APC: variants seen among roughly 807,000 people sequenced by gnomAD.
APC encodes the protein adenomatous polyposis coli protein.
Under a neutral mutation model 247.0 loss-of-function variants are expected in APC, and 72 were observed. The ratio of observed to expected loss-of-function variants is 0.29; its 90% CI spans 0.24 to 0.35. The LOEUF is 0.35. APC is among the 10% of genes least tolerant of loss of function. APC has a pLI of 1.00. For missense variants in APC, 3,400 were observed against 3,360.7 expected (o/e 1.01, Z -0.29); for synonymous variants, 1,254 against 1,162.5 (o/e 1.08, Z -1.60).
chr5:112,824,069 A>G (rs1393382832), intron 11 of APC, among the ~76,000 whole-genome samples: 3 of 152,252 alleles, frequency 2.0e-5, no homozygotes, highest in African/African-American at 7.2e-5. Context: ...TTTTAAAATT[A>G]TCAGTCTTTC....
At chr5:112,716,305 T>C (rs1347755945) in intron 1 of APC, among the ~76,000 whole-genome samples, 1 of 152,196 alleles carries the variant, frequency 6.6e-6, no homozygotes, top group African/African-American at 2.4e-5. Flanking sequence ...TTAAGATGTT[T>C]TCAGATTTCT....
At chr5:112,834,839 C>T (rs930436007) in intron 14 of APC, 112 bp from the exon 15 acceptor site, 12 of 924,772 alleles carry the variant, frequency 1.3e-5, no homozygotes, top group South Asian at 8.2e-5. Flanking sequence ...CAGTGAGGGA[C>T]GGGCAATAGG....
intron 14 of APC, chr5:112,829,787 T>G (rs1270183788): frequency 6.6e-6 from 1 of 152,260 alleles, no homozygotes; most frequent in Non-Finnish European, 1.5e-5. Flanking sequence ...AGTGTACCTT[T>G]GTGCTCTCCA....
intron 2 of APC, among the ~76,000 whole-genome samples, chr5:112,757,332 A>G (rs545620132): frequency 1.2e-4 from 19 of 152,292 alleles, no homozygotes; most frequent in Admixed American, 1.1e-3. Context: ...GTGGATTAAA[A>G]TTAATCCACA....
chr5:112,843,213 C>T lies in APC; in HGVS notation c.7619C>T (p.Pro2540Leu), dbSNP rs777667481. The T allele has an allele frequency of 6.2e-7, 1 of 1,613,742 alleles. No homozygotes were observed. The highest frequency in any genetic ancestry group is 8.5e-7 in the Non-Finnish European group (1 of 1,179,700). ...RSHSESPSRL[P>L]INRSGTWKRE... is the part of the protein sequence containing the mutation. ...CATTCTGAAAGTCCTTCTAGACTTC[C>T]AATCAATAGGTCAGGAACCTGGAAA... Residue 2540 changes from proline (P) to leucine (L), a missense_variant, in exon 16 of 16, where the codon CCA (proline) becomes CTA (leucine). Transcript: ENST00000257430. This position sits in a 1 kb window ranked among gnomAD's most constrained non-coding sequence, Gnocchi z 4.8.
intron 6 of APC, among the ~76,000 whole-genome samples, chr5:112,783,258 A>G (rs1758548923): frequency 6.6e-6 from 1 of 152,124 alleles, no homozygotes; most frequent in Non-Finnish European, 1.5e-5. Context: ...AAGCGCTGAT[A>G]CTGTCATTCT....
rs771104978 is a variant in APC at position 112,845,313 on chromosome 5, A to G, written c.*1187A>G. 1 of 232,782 alleles carries G rather than the reference A, an allele frequency of 4.3e-6. No individual in the cohort carries two copies. Among genetic ancestry groups the G allele is most frequent in the Non-Finnish European group, 8.5e-6 (1 of 117,536 alleles). 14.4% of individuals were successfully genotyped at this position (232,782 alleles called of 1,614,324 possible). ...TAGCAATGCAAGCAGCCTAGCACAGACTAAGCATTGAGCATAATAGGCCCA... is the reference window on the plus strand; with the variant it reads ...TAGCAATGCAAGCAGCCTAGCACAGGCTAAGCATTGAGCATAATAGGCCCA... On this transcript the variant is annotated 3_prime_UTR_variant, in exon 16 of 16. Transcript: ENST00000257430.
chr5:112,767,121 T>A (rs1347219668), intron 3 of APC, 68 bp from the exon 4 acceptor site: 6 of 1,273,292 alleles, frequency 4.7e-6, no homozygotes, highest in East Asian at 2.5e-5. Flanking sequence ...TAAAATAATA[T>A]AACATTAAGA....
chr5:112,744,615 G>T (rs542458294), intron 1 of APC, among the ~76,000 whole-genome samples: 10 of 152,176 alleles, frequency 6.6e-5, no homozygotes, highest in Non-Finnish European at 1.2e-4. Flanking sequence ...ACTGAGCTGG[G>T]CCTTAAAGGA....
At chr5:112,726,568 C>G (rs1478537320) in intron 1 of APC, among the ~76,000 whole-genome samples, 1 of 152,074 alleles carries the variant, frequency 6.6e-6, no homozygotes, top group Non-Finnish European at 1.5e-5. Flanking sequence ...ACATGGCAGA[C>G]CAGAAGGCAT....
At chr5:112,818,858 G>GT in intron 9 of APC, 108 bp from the exon 10 acceptor site, 62 of 995,202 alleles carry the variant, frequency 6.2e-5, no homozygotes, top group East Asian at 2.1e-4. Context: ...GGGGGGGGTT[G>GT]TTTTGTTTTT....
chr5:112,759,968 A>C (rs187221245), intron 2 of APC, among the ~76,000 whole-genome samples: 1 of 152,180 alleles, frequency 6.6e-6, no homozygotes, highest in Non-Finnish European at 1.5e-5. Context: ...ACTAGAAAAC[A>C]CTGGATAAAA....
chr5:112,769,187 A>G (rs981771440), intron 4 of APC, among the ~76,000 whole-genome samples: 4 of 150,112 alleles, frequency 2.7e-5, no homozygotes, highest in African/African-American at 9.8e-5. Context: ...GGTAGCTGGG[A>G]TTACAGGCAC....
intron 1 of APC, among the ~76,000 whole-genome samples, chr5:112,710,155 C>T (rs1442264834): frequency 2.6e-5 from 4 of 152,136 alleles, no homozygotes; most frequent in African/African-American, 9.7e-5. Context: ...CCTAAATAAG[C>T]CTCGCTAGCT....
chr5:112,786,683 C>T (rs1375707257), intron 6 of APC, among the ~76,000 whole-genome samples: 2 of 152,074 alleles, frequency 1.3e-5, no homozygotes, highest in Non-Finnish European at 1.5e-5. Flanking sequence ...TTAAAAACAG[C>T]ACATGTACCC....
Position 112,801,317 on chromosome 5 carries a change from T to G in APC, c.768T>G (p.Asp256Glu), listed in dbSNP as rs764268036. ...ACAAGCATGAAACCGGCTCACATGA[T>G]GCTGAGCGGCAGAATGAAGGTCAAG... ...SQNKHETGSHDAERQNEGQGV... is the reference protein window; with the variant it reads ...SQNKHETGSHEAERQNEGQGV... The change falls in exon 8 of 16, where the codon GAT becomes GAG. Residue 256 changes from aspartate to glutamate, a missense_variant. Transcript: ENST00000257430. The G allele has an allele frequency of 1.4e-5, 22 of 1,613,042 alleles. No homozygotes were observed. Among genetic ancestry groups the G allele is most frequent in the Non-Finnish European group, 1.8e-5 (21 of 1,179,324 alleles).
chr5:112,786,075 A>G (rs1758912884), intron 6 of APC, among the ~76,000 whole-genome samples: 1 of 152,206 alleles, frequency 6.6e-6, no homozygotes. Flanking sequence ...AATAAGAAAA[A>G]GACAACCCTG....
rs1260548066 is a variant in APC, at chr5:112,818,823, TCCGG to T, written c.934-142_934-139del. Reference sequence around the variant, plus strand: ...TGATTACTTCATCCTGGAAAGGTTTTCCGGTTTTTTGTTTTTTTTTTGGCGGGGG... The same window carrying T: ...TGATTACTTCATCCTGGAAAGGTTTTTTTTTTGTTTTTTTTTTGGCGGGGG... On this transcript the variant is annotated intron_variant, in intron 9 of 15. Transcript: ENST00000257430. 3.1e-5 allele frequency: 29 copies of T among 922,414 alleles called. No homozygotes were observed. In the East Asian group the frequency reaches 7.0e-4, roughly 22 times the overall value. 57.1% of individuals were successfully genotyped at this position (922,414 alleles called of 1,614,324 possible).
rs182446971 is a variant in APC, at chr5:112,821,870, T to A, written c.1313-26T>A. On this transcript the variant is annotated intron_variant, in intron 10 of 15. Transcript: ENST00000257430. Reference sequence around the variant, plus strand: ...TTGCTCTTCAAATAACAAAGCATTATGGTTTATGTTGATTTTATTTTTCAG... The same window carrying A: ...TTGCTCTTCAAATAACAAAGCATTAAGGTTTATGTTGATTTTATTTTTCAG... 9.5e-5 allele frequency: 146 copies of A among 1,534,680 alleles called. No homozygotes were observed. In the African/African-American group the frequency reaches 1.8e-3, roughly 19 times the overall value.
Sources: gnomAD v4.1 joint callset for allele counts (sites outside exome capture counted in the v4.1 genomes callset) on GRCh38, gnomAD v4.1.1 for gene constraint, Gnocchi (gnomAD v3.1) non-coding constraint, MANE v1.5 for transcripts, NCBI Gene and HGNC (gene_info 2026-07-23, HGNC 2026-07-21) for gene names.